Variants in VAV3 observed in about 807,000 individuals in gnomAD.
The protein encoded by VAV3 is guanine nucleotide exchange factor VAV3.
A neutral mutation model predicts 131.2 loss-of-function variants in VAV3; 94 were observed. The ratio of observed to expected loss-of-function variants is 0.72; its 90% CI spans 0.61 to 0.85. VAV3 has a LOEUF of 0.85. VAV3 is among the 40% of genes least tolerant of loss of function. VAV3 has a pLI of 0.00. For missense variants in VAV3, 939 were observed against 1,002.7 expected (o/e 0.94, Z 0.86); for synonymous variants, 349 against 342.0 (o/e 1.02, Z -0.22).
At chr1:107,693,892 C>T (rs1659591395) in intron 17 of VAV3, among the ~76,000 whole-genome samples, 1 of 152,112 alleles carries the variant, frequency 6.6e-6, no homozygotes, top group Non-Finnish European at 1.5e-5. Flanking sequence ...AGCCATGTGA[C>T]TAGTTTCAGC....
Position 107,964,919 on chromosome 1 carries a change from GGCCGCC to G in VAV3, c.-56_-51del, listed in dbSNP as rs71796067. On this transcript the variant is annotated 5_prime_UTR_variant, in exon 1 of 27. Coordinates refer to ENST00000370056, the MANE Select transcript of VAV3 (RefSeq NM_006113.5). ...GGGCCGGGGCGGGCGGCAAGGATGC[GGCCGCC>G]GCCGCCGCCGCCGCGGTTCCTCCGC... 17,704 of 1,152,526 alleles carry G rather than the reference GGCCGCC, an allele frequency of 0.015. 510 individuals carry two copies. The highest frequency in any genetic ancestry group is 0.11 in the African/African-American group (6,949 of 62,494). 71.4% of individuals were successfully genotyped at this position (1,152,526 alleles called of 1,614,324 possible). A position where few individuals can be genotyped will look rare whatever the true frequency, so the allele number is the denominator to read the frequency against.
At chr1:107,812,814 G>C (rs1028033665) in intron 2 of VAV3, among the ~76,000 whole-genome samples, 10 of 151,990 alleles carry the variant, frequency 6.6e-5, no homozygotes, top group African/African-American at 2.4e-4. Context: ...AGAGATATAA[G>C]AATACAGGAA....
At chr1:107,580,075 T>A (rs1399210802) in intron 25 of VAV3, among the ~76,000 whole-genome samples, 1 of 152,236 alleles carries the variant, frequency 6.6e-6, no homozygotes, top group African/African-American at 2.4e-5. Flanking sequence ...GCTCTGATAT[T>A]TAATTACTGT....
intron 1 of VAV3, among the ~76,000 whole-genome samples, chr1:107,907,303 G>A (rs1192577862): frequency 1.3e-5 from 2 of 152,126 alleles, no homozygotes; most frequent in Non-Finnish European, 2.9e-5. Flanking sequence ...CTAGCACTGG[G>A]TGCTTATTTA....
chr1:107,719,216 T>C (rs930253142), intron 15 of VAV3, among the ~76,000 whole-genome samples: 1 of 152,150 alleles, frequency 6.6e-6, no homozygotes, highest in Admixed American at 6.5e-5. Flanking sequence ...TGGGATCTAA[T>C]TAAACTAAAG....
intron 17 of VAV3, among the ~76,000 whole-genome samples, chr1:107,691,830 T>C (rs1358911319): frequency 1.3e-5 from 2 of 152,158 alleles, no homozygotes; most frequent in Non-Finnish European, 2.9e-5. Context: ...CAGAACTCCA[T>C]CTTTAATGCC....
intron 1 of VAV3, among the ~76,000 whole-genome samples, chr1:107,908,314 T>G (rs1431396432): frequency 1.3e-5 from 2 of 152,238 alleles, no homozygotes; most frequent in Non-Finnish European, 2.9e-5. Flanking sequence ...AATCACCCAC[T>G]GTAGGGCTAT....
chr1:107,796,999 T>C (rs955986623), intron 2 of VAV3, among the ~76,000 whole-genome samples: 7 of 152,200 alleles, frequency 4.6e-5, no homozygotes, highest in East Asian at 1.9e-4. Context: ...AAAATACTCC[T>C]ATAATAACTA....
At chr1:107,646,991 T>C (rs978359017) in intron 19 of VAV3, among the ~76,000 whole-genome samples, 2 of 151,772 alleles carry the variant, frequency 1.3e-5, no homozygotes, top group Admixed American at 1.3e-4. Context: ...TAATTCTAAG[T>C]AGAACCCTAT....
chr1:107,805,874 T>G (rs1350838362), intron 2 of VAV3, among the ~76,000 whole-genome samples: 9 of 152,144 alleles, frequency 5.9e-5, no homozygotes. Context: ...GATGGAACCT[T>G]AAACCCAGGT....
chr1:107,902,345 AT>A (rs577388590), intron 1 of VAV3, among the ~76,000 whole-genome samples: 33 of 152,108 alleles, frequency 2.2e-4, no homozygotes, highest in African/African-American at 6.7e-4. Flanking sequence ...AATTGTTTCA[AT>A]TTTTTTTAAT....
intron 1 of VAV3, among the ~76,000 whole-genome samples, chr1:107,880,067 T>C (rs1182009145): frequency 6.6e-6 from 1 of 152,192 alleles, no homozygotes; most frequent in East Asian, 1.9e-4. Flanking sequence ...GACTCTATAC[T>C]CAAAGGCTTA....
chr1:107,718,001 T>A (rs935805657), intron 15 of VAV3, among the ~76,000 whole-genome samples: 1 of 152,184 alleles, frequency 6.6e-6, no homozygotes, highest in Non-Finnish European at 1.5e-5. Context: ...AATGGCCTTC[T>A]TTGTCTCTTT....
rs369919561 is a variant in VAV3 at position 107,631,046 on chromosome 1, G to A, written c.1914+11573C>T. Reference sequence around the variant, plus strand: ...TTTCAATTAGAGAAGACTATATCAAGTTCGGTACAAAGACTGTTTAGCAAG... The same window carrying A: ...TTTCAATTAGAGAAGACTATATCAAATTCGGTACAAAGACTGTTTAGCAAG... On this transcript the variant is annotated intron_variant, in intron 20 of 26. Transcript: ENST00000370056. Among the ~76,000 whole-genome samples, 39 of 152,210 alleles carry A rather than the reference G, an allele frequency of 2.6e-4. No homozygotes were observed. The East Asian group carries it at 7.3e-3, about 29-fold the overall frequency.
At chr1:107,694,856 C>T (rs1030245708) in intron 17 of VAV3, among the ~76,000 whole-genome samples, 2 of 152,216 alleles carry the variant, frequency 1.3e-5, no homozygotes, top group South Asian at 2.1e-4. Flanking sequence ...GGGCTGCAGT[C>T]TAATTGAGGA....
At chr1:107,785,855 T>C (rs918591567) in intron 2 of VAV3, among the ~76,000 whole-genome samples, 2 of 152,162 alleles carry the variant, frequency 1.3e-5, no homozygotes, top group Non-Finnish European at 2.9e-5. Flanking sequence ...AGATGGTAAA[T>C]TTCAGACTAA....
chr1:107,960,032 C>T lies in VAV3; in HGVS notation c.204+4634G>A, dbSNP rs558304359. Among the ~76,000 whole-genome samples, 13 of 152,316 alleles carry T rather than the reference C, an allele frequency of 8.5e-5. 1 individual carries two copies. Among genetic ancestry groups the T allele is most frequent in the African/African-American group, 3.1e-4 (13 of 41,566 alleles). Reference sequence around the variant, plus strand: ...TCCATCTTCAGAATATATTCAGAGCCTATTCTTCCCACCATCTGCCCTGCT... The same window carrying T: ...TCCATCTTCAGAATATATTCAGAGCTTATTCTTCCCACCATCTGCCCTGCT... On this transcript the variant is annotated intron_variant, in intron 1 of 26. Coordinates refer to ENST00000370056, the MANE Select transcript of VAV3 (RefSeq NM_006113.5).
chr1:107,812,762 GT>G, intron 2 of VAV3, among the ~76,000 whole-genome samples: 1 of 152,208 alleles, frequency 6.6e-6, no homozygotes, highest in South Asian at 2.1e-4. Context: ...TCTATGTCAT[GT>G]TTTTTTCCCT....
chr1:107,912,313 A>T (rs1251650278), intron 1 of VAV3, among the ~76,000 whole-genome samples: 1 of 152,236 alleles, frequency 6.6e-6, no homozygotes, highest in Non-Finnish European at 1.5e-5. Flanking sequence ...AGAAACCTCC[A>T]ATAAGCTCAG....
Sources: allele counts gnomAD v4.1 joint callset (sites outside exome capture counted in the v4.1 genomes callset), GRCh38; gene constraint gnomAD v4.1.1; transcripts MANE v1.5; gene names NCBI Gene and HGNC (gene_info 2026-07-23, HGNC 2026-07-21).